METAP1D: variants seen among roughly 807,000 people sequenced by gnomAD.
The protein encoded by METAP1D is methionine aminopeptidase 1D, mitochondrial.
In METAP1D, 31 loss-of-function variants were observed where a neutral mutation model predicts 40.5. The observed-to-expected ratio is 0.77, with a 90% CI of 0.58 to 1.03. METAP1D has a LOEUF of 1.03. Ranked by LOEUF, METAP1D falls within the 50% of genes least tolerant of loss-of-function variation. The probability of loss-of-function intolerance (pLI) is 0.00; values close to 1 mark genes in which losing one functional copy is unlikely to be tolerated. For synonymous variants in METAP1D, 151 were observed against 146.4 expected (o/e 1.03, Z -0.22); for missense variants, 411 against 420.7 (o/e 0.98, Z 0.20).
intron 1 of METAP1D, among the ~76,000 whole-genome samples, chr2:172,016,990 C>G (rs1363866089): frequency 6.6e-6 from 1 of 152,034 alleles, no homozygotes; most frequent in Non-Finnish European, 1.5e-5. Context: ...ACCTCTCTAC[C>G]CAAAGGAGGG....
At chr2:172,032,404 A>G (rs960116967) in intron 1 of METAP1D, among the ~76,000 whole-genome samples, 5 of 152,226 alleles carry the variant, frequency 3.3e-5, no homozygotes, top group African/African-American at 1.2e-4. Flanking sequence ...ATAGAAATAG[A>G]TCATCTTCTA....
intron 1 of METAP1D, among the ~76,000 whole-genome samples, chr2:172,045,693 A>ATGTGTGTGTG: frequency 1.4e-5 from 1 of 71,940 alleles, no homozygotes; most frequent in African/African-American, 4.9e-5. Context: ...AGGATCATTC[A>ATGTGTGTGTG]TATATATGTG....
chr2:172,067,551 A>G (rs1443649789), intron 5 of METAP1D, among the ~76,000 whole-genome samples: 1 of 152,204 alleles, frequency 6.6e-6, no homozygotes, highest in African/African-American at 2.4e-5. Context: ...AAGTATACCT[A>G]AAACAGAGTT....
intron 1 of METAP1D, among the ~76,000 whole-genome samples, chr2:172,028,994 A>G (rs960742949): frequency 6.6e-6 from 1 of 152,222 alleles, no homozygotes; most frequent in Non-Finnish European, 1.5e-5. Flanking sequence ...AAGTAGGAAA[A>G]TAGAAGAATA....
At chr2:172,003,920 A>G (rs1688524078) in intron 1 of METAP1D, among the ~76,000 whole-genome samples, 2 of 151,862 alleles carry the variant, frequency 1.3e-5, no homozygotes, top group African/African-American at 4.8e-5. Flanking sequence ...GCCCACCACC[A>G]CGCCTGGCTA....
At chr2:172,027,874 C>T (rs1022458675) in intron 1 of METAP1D, among the ~76,000 whole-genome samples, 1 of 152,156 alleles carries the variant, frequency 6.6e-6, no homozygotes, top group Non-Finnish European at 1.5e-5. Flanking sequence ...AAAAGTTAAA[C>T]TCTGAAAGAA....
intron 7 of METAP1D, among the ~76,000 whole-genome samples, chr2:172,078,144 T>C (rs1690594501): frequency 6.6e-6 from 1 of 152,112 alleles, no homozygotes; most frequent in Non-Finnish European, 1.5e-5. Flanking sequence ...TCCTGAAGGG[T>C]GCATGGCTGG....
chr2:172,069,034 G>A (rs757980140), intron 5 of METAP1D, among the ~76,000 whole-genome samples: 8 of 151,870 alleles, frequency 5.3e-5, no homozygotes, highest in East Asian at 1.9e-4. Context: ...TCCTTCTACC[G>A]TAGCCTCCCA....
At chr2:172,036,632 C>T (rs535051747) in intron 1 of METAP1D, among the ~76,000 whole-genome samples, 14 of 151,874 alleles carry the variant, frequency 9.2e-5, no homozygotes, top group Non-Finnish European at 1.3e-4. Context: ...CCCAAAGTAC[C>T]GAGATTACAG....
rs1321273365 is a variant in METAP1D at position 172,000,082 on chromosome 2, A to G, written c.40+73A>G. On this transcript the variant is annotated intron_variant, in intron 1 of 9. Transcript: ENST00000315796. ...TAGGTACGCACCCGGGTCCAAAGGG[A>G]TGCGCACCCGCGCTCAGACTTCTCG... 4 of 1,231,956 alleles carry G rather than the reference A, an allele frequency of 3.2e-6. No individual in the cohort carries two copies. In the African/African-American group the frequency reaches 6.3e-5, roughly 19 times the overall value. 76.3% of individuals were successfully genotyped at this position (1,231,956 alleles called of 1,614,324 possible). A position where few individuals can be genotyped will look rare whatever the true frequency, so the allele number is the denominator to read the frequency against.
At chr2:172,037,193 C>T (rs1230383838) in intron 1 of METAP1D, among the ~76,000 whole-genome samples, 2 of 151,500 alleles carry the variant, frequency 1.3e-5, no homozygotes, top group African/African-American at 4.9e-5. Context: ...ACCCGGGAGG[C>T]GGAGGTTGCT....
chr2:172,078,570 C>G (rs1450773794), intron 7 of METAP1D, among the ~76,000 whole-genome samples: 3 of 152,142 alleles, frequency 2.0e-5, no homozygotes, highest in Admixed American at 2.0e-4. Flanking sequence ...TGACCTGTGC[C>G]CCTATGGACT....
At chr2:172,029,152 A>T (rs373957825) in intron 1 of METAP1D, among the ~76,000 whole-genome samples, 1 of 152,240 alleles carries the variant, frequency 6.6e-6, no homozygotes, top group African/African-American at 2.4e-5. Context: ...TTACGCCTGT[A>T]ATCCCAGCGC....
intron 1 of METAP1D, among the ~76,000 whole-genome samples, chr2:172,031,739 G>A (rs1469346780): frequency 6.6e-6 from 1 of 152,180 alleles, no homozygotes; most frequent in Admixed American, 6.5e-5. Context: ...TGAAAGAAAA[G>A]GGAGGATTTG....
chr2:172,076,204 A>AT (rs367854625), intron 6 of METAP1D, among the ~76,000 whole-genome samples: 2,048 of 146,960 alleles, frequency 0.014, 22 homozygotes, highest in Middle Eastern at 0.036. Context: ...AAGAACCTAG[A>AT]TTTTTTTTTT....
chr2:172,019,300 GGTTA>G (rs1316698411), intron 1 of METAP1D, among the ~76,000 whole-genome samples: 1 of 152,020 alleles, frequency 6.6e-6, no homozygotes, highest in Non-Finnish European at 1.5e-5. Context: ...CTCCAGCCTA[GGTTA>G]GAAAGAAAGA....
chr2:172,080,773 A>G lies in METAP1D; in HGVS notation c.*367A>G. 3 of 365,960 alleles carry G rather than the reference A, an allele frequency of 8.2e-6. No homozygotes were observed. Among genetic ancestry groups the G allele is most frequent in the East Asian group, 1.3e-4 (2 of 15,804 alleles). 22.7% of individuals were successfully genotyped at this position (365,960 alleles called of 1,614,324 possible). ...AAAAACCTCTTAAATCCATTGTATC[A>G]GAGGTCCTTACCTCTCTGACAGTTA... On this transcript the variant is annotated 3_prime_UTR_variant, in exon 10 of 10. Coordinates refer to ENST00000315796, the MANE Select transcript of METAP1D (RefSeq NM_199227.3).
At position 172,079,199 on chromosome 2, in the gene METAP1D, G is replaced by A. The variant is rs935128003; in HGVS notation, c.803-16G>A. On this transcript the variant is annotated splice_polypyrimidine_tract_variant and intron_variant, in intron 7 of 9. Transcript: ENST00000315796. ...CCCATTTCCTATTCTCACCCCCCAT[G>A]TTTTTTGTTTTGCAGCAAACGACAG... 2 of 1,612,770 alleles carry A rather than the reference G, an allele frequency of 1.2e-6. No individual in the cohort carries two copies. The highest frequency in any genetic ancestry group is 8.5e-7 in the Non-Finnish European group (1 of 1,179,550).
At chr2:172,071,251 A>G (rs1690416468) in intron 6 of METAP1D, among the ~76,000 whole-genome samples, 181 bp downstream of exon 6, 1 of 152,146 alleles carries the variant, frequency 6.6e-6, no homozygotes, top group Admixed American at 6.5e-5. Context: ...AAGATTTTAT[A>G]AAAATGAATT....
Sources: gnomAD v4.1 joint callset for allele counts (sites outside exome capture counted in the v4.1 genomes callset) on GRCh38, gnomAD v4.1.1 for gene constraint, MANE v1.5 for transcripts, NCBI Gene and HGNC (gene_info 2026-07-23, HGNC 2026-07-21) for gene names.